NDRG2: variants seen among roughly 807,000 people sequenced by gnomAD.
NDRG2 encodes the protein NDRG family member 2.
Under a neutral mutation model 58.2 loss-of-function variants are expected in NDRG2, and 34 were observed. That is an observed-to-expected ratio of 0.58 (90% CI 0.44 to 0.78). NDRG2 has a LOEUF of 0.78. Ranked by LOEUF, NDRG2 falls within the 30% of genes least tolerant of loss-of-function variation. The pLI, the probability that NDRG2 is intolerant of heterozygous loss-of-function variation, is 0.00. For synonymous variants in NDRG2, 187 were observed against 175.9 expected, an observed-to-expected ratio of 1.06 and a Z score of -0.50; for missense variants, 434 against 471.2, an observed-to-expected ratio of 0.92 and a Z score of 0.73.
At position 21,062,530 on chromosome 14, in the gene NDRG2, C is replaced by T. The variant is rs116070121; in HGVS notation, c.24+8298G>A. 7.9e-3 allele frequency among the ~76,000 whole-genome samples: 1,207 copies of T among 152,128 alleles called. 16 individuals carry two copies. The highest frequency in any genetic ancestry group is 0.027 in the African/African-American group (1,138 of 41,484). Reference sequence around the variant, plus strand: ...AGGTGAGCAGGGTTTGCCTGAGGCCCGTGTAGGGGTGGCAGAGGATTTCAG... The same window carrying T: ...AGGTGAGCAGGGTTTGCCTGAGGCCTGTGTAGGGGTGGCAGAGGATTTCAG... On this transcript the variant is annotated intron_variant, in intron 1 of 14. Transcript: ENST00000403829.
upstream of NDRG2, chr14:21,025,180 C>G (rs943945107): frequency 2.2e-6 from 2 of 892,896 alleles, no homozygotes; most frequent in Non-Finnish European, 2.7e-6. This position sits in a 1 kb window ranked among gnomAD's most constrained non-coding sequence, Gnocchi z 5.1. Context: ...AGTAAACACG[C>G]CCCCCCTTTC....
chr14:21,048,953 G>C (rs1885337241), intron 1 of NDRG2, among the ~76,000 whole-genome samples: 1 of 152,166 alleles, frequency 6.6e-6, no homozygotes, highest in Non-Finnish European at 1.5e-5. Flanking sequence ...GGAATGGATG[G>C]GTACTTTGAG....
At chr14:21,067,372 C>T (rs4982403) in intron 1 of NDRG2, among the ~76,000 whole-genome samples, 122,845 of 151,994 alleles carry the variant, frequency 0.81, 49,969 homozygotes, top group Admixed American at 0.87. Context: ...CTTTTTTAGC[C>T]TGATGGTTTG....
chr14:21,022,977 C>T (rs1256951003), intron 2 of NDRG2, 72 bp from the exon 3 acceptor site: 2 of 1,546,376 alleles, frequency 1.3e-6, no homozygotes, highest in African/African-American at 1.4e-5. Context: ...GACAAACAGA[C>T]AAAGAGAGGC....
chr14:21,024,849 C>A lies in NDRG2; in HGVS notation c.-826G>T. On this transcript the variant is annotated 5_prime_UTR_variant, in exon 1 of 16. Transcript: ENST00000556147. The stretch of plus-strand genomic sequence containing the variant: ...ACCTTGCACACAACCTCGCGCGCAC[C>A]CCAAACACGCCCTGCAGCTCTTGGA... The A allele has an allele frequency of 1.0e-6, 1 of 985,758 alleles. No homozygotes were observed. Among genetic ancestry groups the A allele is most frequent in the East Asian group, 1.1e-4 (1 of 8,794 alleles). 61.1% of individuals were successfully genotyped at this position (985,758 alleles called of 1,614,324 possible).
At chr14:21,063,955 T>C (rs1188880484) in intron 1 of NDRG2, among the ~76,000 whole-genome samples, 3 of 152,214 alleles carry the variant, frequency 2.0e-5, no homozygotes, top group African/African-American at 7.2e-5. Flanking sequence ...TGCTTCTTTA[T>C]AACTGCAACA....
chr14:21,035,923 T>C, intron 1 of NDRG2: 1 of 438,540 alleles, frequency 2.3e-6, no homozygotes, highest in South Asian at 1.6e-5. Context: ...AGACCAGGAA[T>C]TGAATCCTGC....
chr14:21,068,349 AG>A (rs1886398729), intron 1 of NDRG2, among the ~76,000 whole-genome samples: 1 of 151,072 alleles, frequency 6.6e-6, no homozygotes, highest in African/African-American at 2.4e-5. Flanking sequence ...CCCTTTTTCC[AG>A]GAGTTTGTGG....
intron 1 of NDRG2, chr14:21,036,288 A>G (rs1243464): frequency 0.78 from 355,735 of 455,998 alleles, 139,662 homozygotes; most frequent in East Asian, 0.87. Context: ...AAAAAGTGTG[A>G]TCCCTTCTTT....
intron 1 of NDRG2, chr14:21,043,040 G>C: frequency 6.2e-7 from 1 of 1,614,182 alleles, no homozygotes; most frequent in African/African-American, 1.3e-5. Context: ...TGCTTCTGCT[G>C]CTGGGGCTGT....
chr14:21,062,993 G>T (rs1458335548), intron 1 of NDRG2, among the ~76,000 whole-genome samples: 3 of 151,616 alleles, frequency 2.0e-5, no homozygotes, highest in Non-Finnish European at 4.4e-5. Flanking sequence ...AGGTGTAGGG[G>T]TGCACACCTG....
chr14:21,069,727 G>A (rs1017429720), intron 1 of NDRG2, among the ~76,000 whole-genome samples: 1 of 152,240 alleles, frequency 6.6e-6, no homozygotes, highest in Non-Finnish European at 1.5e-5. Flanking sequence ...AGCCCCCGGG[G>A]GGTTGGGGAA....
intron 1 of NDRG2, chr14:21,034,606 G>A (rs950432019): frequency 3.4e-6 from 1 of 294,636 alleles, no homozygotes; most frequent in Non-Finnish European, 6.3e-6. Flanking sequence ...TTGGGCCCCT[G>A]GCACTCCTGC....
At chr14:21,043,140 G>T (rs1884984048) in intron 1 of NDRG2, 2 of 1,614,182 alleles carry the variant, frequency 1.2e-6, no homozygotes, top group African/African-American at 2.7e-5. Flanking sequence ...CAGCCCTCAA[G>T]CATGCAACTC....
At chr14:21,057,984 A>T (rs1435321479) in intron 1 of NDRG2, 5 of 1,613,942 alleles carry the variant, frequency 3.1e-6, no homozygotes, top group Non-Finnish European at 4.2e-6. Flanking sequence ...AAGCCCAAGG[A>T]CATGACATCA....
intron 1 of NDRG2, among the ~76,000 whole-genome samples, chr14:21,069,944 A>G (rs1390496697): frequency 6.6e-6 from 1 of 152,196 alleles, no homozygotes; most frequent in Non-Finnish European, 1.5e-5. Context: ...CAGCCTTTGG[A>G]GCATCCCTTG....
chr14:21,019,120 G>C lies in NDRG2; in HGVS notation c.757C>G (p.Leu253Val). 1 of 1,610,488 alleles carries C rather than the reference G, an allele frequency of 6.2e-7. No individual in the cohort carries two copies. Among genetic ancestry groups the C allele is most frequent in the Non-Finnish European group, 8.5e-7 (1 of 1,178,802 alleles). The change falls in exon 11 of 16, where the codon CTC becomes GTC. Residue 253 changes from leucine (L) to valine (V), a missense_variant. Transcript: ENST00000556147. ...LNFERGGDIT[L>V]RCPVMLVVGD... ...CATTATCTCTTAAAGTCTTACCTGAGGGTGATATCACCTCCACGCTCAAAG... is the reference window on the plus strand; with the variant it reads ...CATTATCTCTTAAAGTCTTACCTGACGGTGATATCACCTCCACGCTCAAAG...
Position 21,060,388 on chromosome 14 carries a change from C to G in NDRG2, c.24+10440G>C, listed in dbSNP as rs537706951. ...TCGTGCTTATAACCAGGGAAGACAT[C>G]TGGAAGTGAGACAGAAGCAGCATTC... On this transcript the variant is annotated intron_variant, in intron 1 of 14. Coordinates refer to the NDRG2 transcript ENST00000403829. Among the ~76,000 whole-genome samples the G allele has an allele frequency of 1.6e-4, 25 of 152,290 alleles. No individual in the cohort carries two copies. In the South Asian group the frequency reaches 5.2e-3, roughly 32 times the overall value.
Position 21,017,553 on chromosome 14 carries a change from G to C in NDRG2, c.*43C>G. ...TCAGCACCTCCCAGGTTAGCTCTGG[G>C]GGAGGTGAGGGCTGGGTCCCACTCT... On this transcript the variant is annotated 3_prime_UTR_variant, in exon 16 of 16. Coordinates refer to ENST00000556147, the MANE Select transcript of NDRG2 (RefSeq NM_001320329.2). 6.3e-7 allele frequency: 1 copy of C among 1,591,940 alleles called. No homozygotes were observed. The highest frequency in any genetic ancestry group is 8.6e-7 in the Non-Finnish European group (1 of 1,168,150).
Sources: allele counts gnomAD v4.1 joint callset (sites outside exome capture counted in the v4.1 genomes callset), GRCh38; gene constraint gnomAD v4.1.1; non-coding constraint Gnocchi (gnomAD v3.1); transcripts MANE v1.5; gene names NCBI Gene and HGNC (gene_info 2026-07-23, HGNC 2026-07-21).